TMEM100: variants seen among roughly 807,000 people sequenced by gnomAD.
The protein encoded by TMEM100 is transmembrane protein 100.
For synonymous variants in TMEM100, 61 were observed against 67.1 expected (o/e 0.91, Z 0.44); for missense variants, 137 against 168.2 (o/e 0.81, Z 1.02).
Position 55,720,617 on chromosome 17 carries a change from G to C in TMEM100, c.*49C>G. On this transcript the variant is annotated 3_prime_UTR_variant, in exon 2 of 2. Transcript: ENST00000424486. ...GGTTCTGGGTGAATTGGGTGACAAAGTCAGAGCACGTTTTCCAGGCCCAAT... is the reference window on the plus strand; with the variant it reads ...GGTTCTGGGTGAATTGGGTGACAAACTCAGAGCACGTTTTCCAGGCCCAAT... 1 of 1,456,284 alleles carries C rather than the reference G, an allele frequency of 6.9e-7. No individual in the cohort carries two copies. The highest frequency in any genetic ancestry group is 9.2e-7 in the Non-Finnish European group (1 of 1,092,620). 90.2% of individuals were successfully genotyped at this position (1,456,284 alleles called of 1,614,324 possible). A position where few individuals can be genotyped will look rare whatever the true frequency, so the allele number is the denominator to read the frequency against.
rs150604832 is a variant in TMEM100 at position 55,720,854 on chromosome 17, C to A, written c.217G>T (p.Ala73Ser). The A allele has an allele frequency of 6.2e-7, 1 of 1,614,048 alleles. No individual in the cohort carries two copies. Reference protein sequence around the residue: ...VVFIAGIVVTAVAYSFNSHGS... With the variant: ...VVFIAGIVVTSVAYSFNSHGS... ...TGGGAATTGAAGCTGTAAGCCACCG[C>A]GGTGACCACGATGCCGGCGATGAAG... The change falls in exon 2 of 2, where the codon GCG (alanine) becomes TCG (serine). Residue 73 changes from alanine to serine, a missense_variant. Ala to Ser is a moderately conservative substitution (Grantham distance 99). Coordinates refer to ENST00000424486, the MANE Select transcript of TMEM100 (RefSeq NM_018286.3).
chr17:55,731,488 G>C (rs558309795), intron 1 of TMEM100, among the ~76,000 whole-genome samples: 27 of 152,186 alleles, frequency 1.8e-4, no homozygotes, highest in African/African-American at 6.3e-4. Flanking sequence ...TCCATCTGTA[G>C]ATACTTCATT....
At chr17:55,726,207 A>G (rs1909069073), upstream of TMEM100, among the ~76,000 whole-genome samples, 1 of 152,236 alleles carries the variant, frequency 6.6e-6, no homozygotes, top group African/African-American at 2.4e-5. Flanking sequence ...AAGGCATTGT[A>G]AACGGCAGAG....
intron 1 of TMEM100, among the ~76,000 whole-genome samples, chr17:55,729,278 G>A (rs1385724783): frequency 6.6e-6 from 1 of 152,160 alleles, no homozygotes; most frequent in East Asian, 1.9e-4. Flanking sequence ...CGGACAGGTA[G>A]GAAATCACTG....
intron 1 of TMEM100, among the ~76,000 whole-genome samples, chr17:55,730,291 T>C (rs1288772909): frequency 6.6e-6 from 1 of 152,210 alleles, no homozygotes; most frequent in Non-Finnish European, 1.5e-5. Flanking sequence ...AAAACTTAGA[T>C]AATTATTTAA....
upstream of TMEM100, chr17:55,727,733 C>G (rs543419586): frequency 1.3e-5 from 2 of 152,280 alleles, no homozygotes; most frequent in East Asian, 3.9e-4. Flanking sequence ...AACGGATAAT[C>G]AATGGTATCT....
intron 1 of TMEM100, among the ~76,000 whole-genome samples, chr17:55,728,666 G>C (rs1597957297): frequency 6.6e-6 from 1 of 152,180 alleles, no homozygotes; most frequent in South Asian, 2.1e-4. Context: ...CATGGTCTCT[G>C]CTTTCATGGA....
At chr17:55,721,883 C>T (rs1239806365) in intron 1 of TMEM100, 1 of 152,158 alleles carries the variant, frequency 6.6e-6, no homozygotes, top group African/African-American at 2.4e-5. Context: ...TTTGTGCTTT[C>T]TCTTGGCAAA....
At chr17:55,730,140 A>G (rs1239978729) in intron 1 of TMEM100, among the ~76,000 whole-genome samples, 4 of 152,226 alleles carry the variant, frequency 2.6e-5, no homozygotes, top group Non-Finnish European at 5.9e-5. Context: ...TGAGGGGTTT[A>G]CCATGAACAT....
chr17:55,719,817 A>G lies in TMEM100; in HGVS notation c.*849T>C, dbSNP rs1908802613. On this transcript the variant is annotated 3_prime_UTR_variant, in exon 2 of 2. Transcript: ENST00000424486. The stretch of plus-strand genomic sequence containing the variant: ...AGTAAAGAAGGAACCTGTCCATTTG[A>G]GAGAAATACAATTGAGAACTTGCAA... 1.3e-5 allele frequency: 2 copies of G among 152,638 alleles called. No individual in the cohort carries two copies. Among genetic ancestry groups the G allele is most frequent in the Admixed American group, 1.3e-4 (2 of 15,288 alleles). 9.5% of individuals were successfully genotyped at this position (152,638 alleles called of 1,614,324 possible).
At chr17:55,726,011 T>G (rs1423214551), upstream of TMEM100, among the ~76,000 whole-genome samples, 3 of 152,026 alleles carry the variant, frequency 2.0e-5, no homozygotes, top group Non-Finnish European at 4.4e-5. Context: ...CCCAATAACA[T>G]GCAGGTAATA....
intron 1 of TMEM100, among the ~76,000 whole-genome samples, chr17:55,729,231 C>T (rs1909143132): frequency 1.3e-5 from 2 of 152,150 alleles, no homozygotes; most frequent in Non-Finnish European, 1.5e-5. Context: ...TGTGATTGTC[C>T]AGGTAAGAGG....
intron 1 of TMEM100, among the ~76,000 whole-genome samples, chr17:55,729,269 G>T (rs1156717594): frequency 6.6e-6 from 1 of 152,142 alleles, no homozygotes; most frequent in Non-Finnish European, 1.5e-5. Context: ...TGGCAAACGC[G>T]GACAGGTAGG....
At chr17:55,731,959 C>G (rs1909216567) in exon 1 of TMEM100, 1 of 152,224 alleles carries the variant, frequency 6.6e-6, no homozygotes, top group South Asian at 2.1e-4. Context: ...AAGTCGGAGA[C>G]CTCGGTTCAC....
upstream of TMEM100, among the ~76,000 whole-genome samples, chr17:55,726,492 G>A (rs1021470735): frequency 6.6e-6 from 1 of 152,126 alleles, no homozygotes; most frequent in Non-Finnish European, 1.5e-5. Context: ...TCTCCTCTGG[G>A]AACACATGAA....
intron 1 of TMEM100, among the ~76,000 whole-genome samples, chr17:55,730,112 G>A (rs1909169562): frequency 6.6e-6 from 1 of 152,134 alleles, no homozygotes; most frequent in South Asian, 2.1e-4. Context: ...CTCATGCAAT[G>A]GAAGCAAGCC....
upstream of TMEM100, chr17:55,727,660 G>A (rs1909105050): frequency 6.6e-6 from 1 of 152,136 alleles, no homozygotes; most frequent in African/African-American, 2.4e-5. Context: ...CAATTTCTAG[G>A]CTTTGACACC....
upstream of TMEM100, among the ~76,000 whole-genome samples, chr17:55,725,733 GTGTGTGTGTGTGTGTGTA>G (rs950820259): frequency 2.3e-5 from 3 of 133,166 alleles, no homozygotes; most frequent in Non-Finnish European, 4.5e-5. Flanking sequence ...GTGTGTGTGT[GTGTGTGTGTGTGTGTGTA>G]TACAGACAGA....
At chr17:55,731,434 C>A (rs17758328) in intron 1 of TMEM100, among the ~76,000 whole-genome samples, 8,692 of 152,082 alleles carry the variant, frequency 0.057, 348 homozygotes, top group Admixed American at 0.087. Flanking sequence ...GTGGCTTGGG[C>A]AAGTCACCCA....
Sources: allele counts gnomAD v4.1 joint callset (sites outside exome capture counted in the v4.1 genomes callset), GRCh38; gene constraint gnomAD v4.1.1; transcripts MANE v1.5; gene names NCBI Gene and HGNC (gene_info 2026-07-23, HGNC 2026-07-21).